The following ZCWPW2 variants were observed in gnomAD, a reference collection of about 807,000 sequenced individuals.
The protein encoded by ZCWPW2 is zinc finger CW-type and PWWP domain containing 2.
A neutral mutation model predicts 46.6 loss-of-function variants in ZCWPW2; 45 were observed. The ratio of observed to expected loss-of-function variants is 0.96; its 90% CI spans 0.76 to 1.24. The LOEUF (loss-of-function observed/expected upper bound fraction) is 1.24. Among genes scored for constraint, ZCWPW2 ranks in the 50% most tolerant of loss-of-function variants. The pLI is 0.00. For missense variants in ZCWPW2, 429 were observed against 403.9 expected, an observed-to-expected ratio of 1.06 and a Z score of -0.53; for synonymous variants, 152 against 137.1, an observed-to-expected ratio of 1.11 and a Z score of -0.76.
intron 1 of ZCWPW2, among the ~76,000 whole-genome samples, chr3:28,383,673 G>A (rs1695176297): frequency 6.6e-6 from 1 of 151,986 alleles, no homozygotes; most frequent in African/African-American, 2.4e-5. Flanking sequence ...TAAATATTGG[G>A]ATGTTAGGTG....
chr3:28,351,268 A>G (rs986767810), intron 1 of ZCWPW2, among the ~76,000 whole-genome samples: 1 of 149,140 alleles, frequency 6.7e-6, no homozygotes, highest in Non-Finnish European at 1.5e-5. Flanking sequence ...ATATATACAT[A>G]TATATATTAC....
intron 4 of ZCWPW2, among the ~76,000 whole-genome samples, chr3:28,435,479 TTC>T (rs964266829): frequency 1.3e-5 from 2 of 151,492 alleles, no homozygotes; most frequent in African/African-American, 4.8e-5. Flanking sequence ...TTATTTTTCT[TTC>T]TGTCTTTTTT....
In ZCWPW2 at chr3:28,396,426, G is replaced by A. The variant is rs114220805; in HGVS notation, c.-14+5809G>A. Among the ~76,000 whole-genome samples, 292 of 152,202 alleles carry A rather than the reference G, an allele frequency of 1.9e-3. 1 individual carries two copies. The highest frequency in any genetic ancestry group is 6.8e-3 in the Middle Eastern group (2 of 294). On this transcript the variant is annotated intron_variant, in intron 2 of 9. Transcript: ENST00000383768. ...TTAATCCTGTTAATACTTTAAAAAT[G>A]GCATTATGTGAACATTTCATTTTTA... is the stretch of plus-strand genomic sequence containing the variant.
chr3:28,457,018 A>AT (rs1247121641), intron 4 of ZCWPW2, among the ~76,000 whole-genome samples: 1 of 152,004 alleles, frequency 6.6e-6, no homozygotes, highest in Non-Finnish European at 1.5e-5. Flanking sequence ...CTCCTTCTCT[A>AT]TTTTTTGGAA....
intron 2 of ZCWPW2, among the ~76,000 whole-genome samples, chr3:28,408,602 C>A (rs1378955589): frequency 6.6e-6 from 1 of 151,982 alleles, no homozygotes; most frequent in Non-Finnish European, 1.5e-5. Flanking sequence ...TTTGTGAAGC[C>A]CTCTTAAGTT....
intron 6 of ZCWPW2, among the ~76,000 whole-genome samples, chr3:28,500,506 T>C (rs529325525): frequency 5.9e-5 from 9 of 152,264 alleles, no homozygotes; most frequent in African/African-American, 2.2e-4. Flanking sequence ...TTAATGCCAA[T>C]AATTTAACTT....
chr3:28,375,976 C>CT (rs1553630072), intron 1 of ZCWPW2, among the ~76,000 whole-genome samples: 6 of 152,030 alleles, frequency 3.9e-5, no homozygotes, highest in Non-Finnish European at 2.9e-5. Context: ...GGATCTCATT[C>CT]TTTTTTTTAT....
intron 1 of ZCWPW2, among the ~76,000 whole-genome samples, chr3:28,379,177 G>A (rs554149703): frequency 6.6e-6 from 1 of 152,256 alleles, no homozygotes; most frequent in East Asian, 1.9e-4. Context: ...TAGAATCAAG[G>A]TCTGAGACTG....
At chr3:28,475,046 G>A (rs544005745) in intron 4 of ZCWPW2, among the ~76,000 whole-genome samples, 6 of 151,972 alleles carry the variant, frequency 3.9e-5, no homozygotes, top group African/African-American at 1.4e-4. Flanking sequence ...GTTTCACCAT[G>A]TTGCCTAAGC....
chr3:28,404,634 T>C (rs569080968), intron 2 of ZCWPW2, among the ~76,000 whole-genome samples: 2 of 152,266 alleles, frequency 1.3e-5, no homozygotes, highest in African/African-American at 4.8e-5. Context: ...CAAATGCCCA[T>C]CAATCAATGA....
Position 28,424,271 on chromosome 3 carries a change from A to G in ZCWPW2, c.333-10839A>G, listed in dbSNP as rs1468167265. Reference sequence around the variant, plus strand: ...CACACACACACACACACACACACAGAGCCTTTAAATCAATACCTAGATGTA... The same window carrying G: ...CACACACACACACACACACACACAGGGCCTTTAAATCAATACCTAGATGTA... On this transcript the variant is annotated intron_variant, in intron 3 of 9. Coordinates refer to ENST00000383768, the MANE Select transcript of ZCWPW2 (RefSeq NM_001040432.4). Among the ~76,000 whole-genome samples, 3 of 150,832 alleles carry G rather than the reference A, an allele frequency of 2.0e-5. No individual in the cohort carries two copies. In the East Asian group the frequency reaches 5.9e-4, roughly 30 times the overall value.
chr3:28,480,872 T>C (rs1195422319), intron 5 of ZCWPW2, among the ~76,000 whole-genome samples: 10 of 148,894 alleles, frequency 6.7e-5, no homozygotes, highest in African/African-American at 2.0e-4. Context: ...TTCTTTTTTT[T>C]TTTTTTTTTT....
chr3:28,392,643 AC>A, intron 2 of ZCWPW2, among the ~76,000 whole-genome samples: 1 of 152,322 alleles, frequency 6.6e-6, no homozygotes, highest in East Asian at 1.9e-4. Context: ...AAGATCAGGA[AC>A]CAATAACAGG....
In ZCWPW2 at chr3:28,390,532, C is replaced by G; in HGVS notation, c.-99C>G. The G allele has an allele frequency of 1.2e-5, 12 of 985,350 alleles. No homozygotes were observed. Among genetic ancestry groups the G allele is most frequent in the Non-Finnish European group, 1.4e-5 (12 of 829,904 alleles). 61.0% of individuals were successfully genotyped at this position (985,350 alleles called of 1,614,324 possible). A position where few individuals can be genotyped will look rare whatever the true frequency, so the allele number is the denominator to read the frequency against. On this transcript the variant is annotated 5_prime_UTR_variant, in exon 2 of 10. Transcript: ENST00000383768. ...AGTAGAACGCCTGCCTCTTTAGTGA[C>G]TACAGACCTCACTTCCCTTCTCTGG...
intron 4 of ZCWPW2, among the ~76,000 whole-genome samples, chr3:28,444,988 T>C (rs1335312743): frequency 6.6e-6 from 1 of 151,894 alleles, no homozygotes; most frequent in Non-Finnish European, 1.5e-5. Flanking sequence ...TCTATAGAAA[T>C]AGAGTCCTTA....
At chr3:28,507,860 A>C (rs1489930029) in intron 6 of ZCWPW2, among the ~76,000 whole-genome samples, 2 of 152,120 alleles carry the variant, frequency 1.3e-5, no homozygotes, top group Non-Finnish European at 2.9e-5. Context: ...TTGTGTAAGA[A>C]ATTTTAAGAG....
At chr3:28,422,854 T>C (rs899239369) in intron 3 of ZCWPW2, among the ~76,000 whole-genome samples, 1 of 152,204 alleles carries the variant, frequency 6.6e-6, no homozygotes, top group Admixed American at 6.5e-5. Flanking sequence ...ACAGTGTTGC[T>C]TCACCTCCCT....
At chr3:28,384,610 C>CTTTTTTTTTT (rs201820223) in intron 1 of ZCWPW2, among the ~76,000 whole-genome samples, 1 of 143,528 alleles carries the variant, frequency 7.0e-6, no homozygotes, top group Non-Finnish European at 1.5e-5. Context: ...ACCAATCTTT[C>CTTTTTTTTTT]TTTCTTTTTT....
chr3:28,422,202 C>G (rs1696819817), intron 3 of ZCWPW2, among the ~76,000 whole-genome samples: 1 of 152,076 alleles, frequency 6.6e-6, no homozygotes, highest in South Asian at 2.1e-4. Flanking sequence ...ACAGCATTCA[C>G]TTATCATTAT....
Sources: gnomAD v4.1 joint callset for allele counts (sites outside exome capture counted in the v4.1 genomes callset) on GRCh38, gnomAD v4.1.1 for gene constraint, MANE v1.5 for transcripts, NCBI Gene and HGNC (gene_info 2026-07-23, HGNC 2026-07-21) for gene names.